The following CLVS2 variants were observed in gnomAD, a reference collection of about 807,000 sequenced individuals.
The protein encoded by CLVS2 is clavesin 2, also known as clavesin-2.
A neutral mutation model predicts 29.0 loss-of-function variants in CLVS2; 19 were observed. The observed-to-expected ratio is 0.66, with a 90% CI of 0.46 to 0.96. The LOEUF (loss-of-function observed/expected upper bound fraction) is 0.96, where lower values mean the gene tolerates loss of function less well. CLVS2 is among the 40% of genes least tolerant of loss of function. The pLI, the probability that CLVS2 is intolerant of heterozygous loss-of-function variation, is 0.00. For missense variants in CLVS2, 294 were observed against 404.1 expected (o/e 0.73, Z 2.34); for synonymous variants, 161 against 151.3 (o/e 1.06, Z -0.47).
chr6:123,034,488 G>T (rs899214803), intron 3 of CLVS2, among the ~76,000 whole-genome samples: 5 of 152,110 alleles, frequency 3.3e-5, no homozygotes, highest in Admixed American at 1.3e-4. Flanking sequence ...ACTGTATCAT[G>T]TACATAAAAT....
intron 2 of CLVS2, among the ~76,000 whole-genome samples, chr6:123,010,725 A>G (rs1249502737): frequency 6.6e-6 from 1 of 152,056 alleles, no homozygotes; most frequent in Non-Finnish European, 1.5e-5. Flanking sequence ...AAATCAAAAG[A>G]AGGCCTGGAG....
intron 3 of CLVS2, among the ~76,000 whole-genome samples, chr6:123,029,277 C>G (rs1358630799): frequency 6.6e-6 from 1 of 152,142 alleles, no homozygotes; most frequent in Non-Finnish European, 1.5e-5. Context: ...AGAAAAGTAT[C>G]TCATTAAAAA....
intron 2 of CLVS2, 36 bp downstream of exon 2, chr6:122,998,202 C>G: frequency 3.2e-6 from 5 of 1,578,492 alleles, no homozygotes; most frequent in Non-Finnish European, 4.3e-6. Context: ...TCTCCTTTTA[C>G]TCTCCCATTT....
chr6:123,061,312 G>GA (rs71823547), intron 5 of CLVS2, among the ~76,000 whole-genome samples: 1,843 of 143,266 alleles, frequency 0.013, 23 homozygotes, highest in East Asian at 0.04. Flanking sequence ...AAACAAAACC[G>GA]AAAAAAAAAA....
At chr6:123,060,884 T>G (rs1772767548) in intron 5 of CLVS2, among the ~76,000 whole-genome samples, 1 of 152,246 alleles carries the variant, frequency 6.6e-6, no homozygotes, top group South Asian at 2.1e-4. Context: ...GAAATCTAGT[T>G]TCTTAAACAC....
intron 3 of CLVS2, among the ~76,000 whole-genome samples, chr6:123,044,542 T>A (rs1445594374): frequency 6.6e-6 from 1 of 151,626 alleles, no homozygotes; most frequent in African/African-American, 2.4e-5. Flanking sequence ...CAAGGGAGGA[T>A]AAGTAGTGAG....
chr6:123,069,911 C>T lies in CLVS2; in HGVS notation c.*6150C>T, dbSNP rs1285910374. 1.3e-5 allele frequency: 2 copies of T among 151,594 alleles called. No individual in the cohort carries two copies. The highest frequency in any genetic ancestry group is 4.8e-5 in the African/African-American group (2 of 41,306). 9.4% of individuals were successfully genotyped at this position (151,594 alleles called of 1,614,324 possible). ...GTTTTCCTCCCTTTTTTCTAATTGG[C>T]ATCATAAAAGTATAAGAAGCCACAA... On this transcript the variant is annotated 3_prime_UTR_variant, in exon 6 of 6. Coordinates refer to ENST00000275162, the MANE Select transcript of CLVS2 (RefSeq NM_001010852.4).
At position 122,998,144 on chromosome 6, in the gene CLVS2, G is replaced by C; in HGVS notation, c.367G>C (p.Ala123Pro). 6.2e-7 allele frequency: 1 copy of C among 1,612,578 alleles called. No homozygotes were observed. The change falls in exon 2 of 6, where the codon GCT (alanine) becomes CCT (proline). Residue 123 changes from alanine (A) to proline (P), a missense_variant. By Grantham distance (27) the Ala-to-Pro change is conservative. This residue lies in a region of CLVS2 where 212 missense variants were observed against 336.4 expected (regional missense o/e 0.63). Coordinates refer to ENST00000275162, the MANE Select transcript of CLVS2 (RefSeq NM_001010852.4). ...HYGRKILVLF[A>P]ANWDQSRYTL... ...TGGCAGGAAGATTCTAGTCCTTTTT[G>C]CTGCCAATTGGGATCAGAGCAGGTA...
chr6:123,027,702 C>G (rs943550893), intron 3 of CLVS2, among the ~76,000 whole-genome samples: 5 of 152,076 alleles, frequency 3.3e-5, no homozygotes, highest in Non-Finnish European at 7.4e-5. Context: ...CTATGTGTAC[C>G]TGGAGCTCAT....
At chr6:123,015,392 A>G (rs189716351) in intron 3 of CLVS2, among the ~76,000 whole-genome samples, 10 of 152,182 alleles carry the variant, frequency 6.6e-5, no homozygotes, top group African/African-American at 2.4e-4. Flanking sequence ...AGAACCCCAT[A>G]CCACCTTTGA....
At chr6:123,044,685 C>T (rs909898458) in intron 3 of CLVS2, among the ~76,000 whole-genome samples, 2 of 151,522 alleles carry the variant, frequency 1.3e-5, no homozygotes, top group Non-Finnish European at 2.9e-5. Flanking sequence ...GCATTTGTCT[C>T]GGCTGGTAGA....
chr6:123,056,420 A>G (rs1234526663), intron 5 of CLVS2, among the ~76,000 whole-genome samples: 1 of 152,118 alleles, frequency 6.6e-6, no homozygotes, highest in Non-Finnish European at 1.5e-5. Context: ...CCATTCTACT[A>G]TCTATTTCTA....
At chr6:123,048,812 C>G in intron 4 of CLVS2, 80 bp downstream of exon 4, 1 of 875,440 alleles carries the variant, frequency 1.1e-6, no homozygotes, top group Non-Finnish European at 1.9e-6. Flanking sequence ...ATAATGTTAG[C>G]TATAGTAAAA....
chr6:123,031,054 T>A (rs1582654222), intron 3 of CLVS2, among the ~76,000 whole-genome samples: 1 of 151,996 alleles, frequency 6.6e-6, no homozygotes, highest in East Asian at 1.9e-4. Context: ...CACATCAGCC[T>A]CCCAAGTAGC....
At chr6:123,045,928 T>C (rs1370117097) in intron 3 of CLVS2, among the ~76,000 whole-genome samples, 1 of 151,978 alleles carries the variant, frequency 6.6e-6, no homozygotes, top group African/African-American at 2.4e-5. Context: ...TAAAACCAGA[T>C]TATACTCAAA....
At chr6:123,040,587 G>A (rs902336381) in intron 3 of CLVS2, among the ~76,000 whole-genome samples, 1 of 152,192 alleles carries the variant, frequency 6.6e-6, no homozygotes, top group African/African-American at 2.4e-5. Context: ...GAGGTCAGGA[G>A]TTCAAGACCA....
chr6:123,024,162 CT>C (rs1163912896), intron 3 of CLVS2, among the ~76,000 whole-genome samples: 2 of 152,070 alleles, frequency 1.3e-5, no homozygotes, highest in African/African-American at 4.8e-5. Flanking sequence ...AAATAATGTT[CT>C]TTTTAAAAAA....
intron 3 of CLVS2, among the ~76,000 whole-genome samples, chr6:123,038,096 G>C (rs1029890039): frequency 6.6e-6 from 1 of 152,238 alleles, no homozygotes; most frequent in African/African-American, 2.4e-5. Flanking sequence ...AAGGTGGCCT[G>C]ATCTTTCTTG....
Position 123,067,809 on chromosome 6 carries a change from G to A in CLVS2, c.*4048G>A, listed in dbSNP as rs1251160123. On this transcript the variant is annotated 3_prime_UTR_variant, in exon 6 of 6. Coordinates refer to ENST00000275162, the MANE Select transcript of CLVS2 (RefSeq NM_001010852.4). Reference sequence around the variant, plus strand: ...GAACAAAAGAAGATTGGTTAAATATGCAAGGTGTGTAATTATCTTCAGTAA... The same window carrying A: ...GAACAAAAGAAGATTGGTTAAATATACAAGGTGTGTAATTATCTTCAGTAA... 1 of 151,646 alleles carries A rather than the reference G, an allele frequency of 6.6e-6. No homozygotes were observed. Among genetic ancestry groups the A allele is most frequent in the African/African-American group, 2.4e-5 (1 of 41,392 alleles). 9.4% of individuals were successfully genotyped at this position (151,646 alleles called of 1,614,324 possible).
Sources: gnomAD v4.1 joint callset for allele counts (sites outside exome capture counted in the v4.1 genomes callset) on GRCh38, gnomAD v4.1.1 for gene constraint, gnomAD v4.1.1 regional missense constraint, MANE v1.5 for transcripts, NCBI Gene and HGNC (gene_info 2026-07-23, HGNC 2026-07-21) for gene names.